Variants in GNAQ observed in about 807,000 individuals in gnomAD.
GNAQ encodes the protein guanine nucleotide-binding protein G(q) subunit alpha.
A neutral mutation model predicts 43.9 loss-of-function variants in GNAQ; 8 were observed. The ratio of observed to expected loss-of-function variants is 0.18; its 90% CI spans 0.11 to 0.33. The LOEUF (loss-of-function observed/expected upper bound fraction) is 0.33, where lower values mean the gene tolerates loss of function less well. Among genes scored for constraint, GNAQ ranks in the 10% least tolerant of loss-of-function variants. GNAQ has a pLI of 1.00. For missense variants in GNAQ, 158 were observed against 450.8 expected, an observed-to-expected ratio of 0.35 and a Z score of 5.88; for synonymous variants, 155 against 170.7, an observed-to-expected ratio of 0.91 and a Z score of 0.71.
intron 2 of GNAQ, among the ~76,000 whole-genome samples, chr9:77,906,311 C>T (rs909825685): frequency 2.0e-5 from 3 of 152,096 alleles, no homozygotes; most frequent in South Asian, 2.1e-4. Flanking sequence ...ATCACTTTCA[C>T]CAATTAGATT....
intron 1 of GNAQ, among the ~76,000 whole-genome samples, chr9:78,025,156 CAT>C (rs536209712): frequency 1.1e-3 from 171 of 152,246 alleles, no homozygotes; most frequent in African/African-American, 4.0e-3. Flanking sequence ...CCTTTTACTA[CAT>C]GTTAGATGAG....
At chr9:77,982,349 A>C (rs1823378138) in intron 1 of GNAQ, among the ~76,000 whole-genome samples, 1 of 152,244 alleles carries the variant, frequency 6.6e-6, no homozygotes, top group Non-Finnish European at 1.5e-5. Context: ...GAAGTAAAAC[A>C]AAAATTTTTT....
At chr9:77,997,714 C>G (rs1487239592) in intron 1 of GNAQ, among the ~76,000 whole-genome samples, 1 of 152,148 alleles carries the variant, frequency 6.6e-6, no homozygotes, top group African/African-American at 2.4e-5. Flanking sequence ...CTGGAATTGG[C>G]CTAGATCCTC....
chr9:78,029,220 G>T (rs1824018520), intron 1 of GNAQ, among the ~76,000 whole-genome samples: 1 of 151,732 alleles, frequency 6.6e-6, no homozygotes. Context: ...AGGCAAATAG[G>T]GTTGGCTGGA....
At chr9:77,883,645 C>T (rs959186263) in intron 2 of GNAQ, among the ~76,000 whole-genome samples, 2 of 151,772 alleles carry the variant, frequency 1.3e-5, no homozygotes, top group African/African-American at 4.8e-5. Flanking sequence ...TTGCCCCCGC[C>T]CCCACTCTCC....
chr9:77,939,865 T>G (rs931148264), intron 1 of GNAQ, among the ~76,000 whole-genome samples: 2 of 152,172 alleles, frequency 1.3e-5, no homozygotes, highest in African/African-American at 4.8e-5. Context: ...CAAGCCTGAT[T>G]TCTGCACCCT....
intron 2 of GNAQ, among the ~76,000 whole-genome samples, chr9:77,909,522 C>T (rs1376698344): frequency 6.6e-6 from 1 of 152,144 alleles, no homozygotes; most frequent in African/African-American, 2.4e-5. Context: ...TAGTTCAAAA[C>T]CGTTATACTT....
At chr9:77,880,594 C>A in intron 2 of GNAQ, among the ~76,000 whole-genome samples, 1 of 147,072 alleles carries the variant, frequency 6.8e-6, no homozygotes, top group African/African-American at 2.5e-5. Context: ...GAGACAGGGT[C>A]TCATTATGTT....
chr9:77,718,816 C>G lies in GNAQ; in HGVS notation c.*2507G>C, dbSNP rs146306046. On this transcript the variant is annotated 3_prime_UTR_variant, in exon 7 of 7. Coordinates refer to ENST00000286548, the MANE Select transcript of GNAQ (RefSeq NM_002072.5). ...TGGTCTCTAGCTGTTAAAACATTTC[C>G]TTAGTGGATCACAATAGCTTCTAAA... The G allele has an allele frequency of 0.024, 4,584 of 189,332 alleles. 179 individuals carry two copies. The highest frequency in any genetic ancestry group is 0.096 in the African/African-American group (3,814 of 39,904). The allele number at this position is 189,332 out of a possible 1,614,324, so 11.7% of individuals were successfully genotyped here.
intron 1 of GNAQ, among the ~76,000 whole-genome samples, chr9:77,989,736 C>G (rs1823485910): frequency 6.6e-6 from 1 of 152,204 alleles, no homozygotes; most frequent in African/African-American, 2.4e-5. Flanking sequence ...GCATTTTCTT[C>G]TTGCTGAAAC....
intron 5 of GNAQ, among the ~76,000 whole-genome samples, chr9:77,744,371 A>G (rs553267862): frequency 6.6e-6 from 1 of 152,310 alleles, no homozygotes; most frequent in Admixed American, 6.5e-5. Context: ...CCTTTTGGAT[A>G]ATTTACTCCC....
At chr9:77,792,320 A>G (rs1260781643) in intron 5 of GNAQ, among the ~76,000 whole-genome samples, 1 of 152,160 alleles carries the variant, frequency 6.6e-6, no homozygotes, top group Non-Finnish European at 1.5e-5. Flanking sequence ...AATTATTTAA[A>G]AGTAGCATAA....
chr9:77,805,290 C>A (rs542499476), intron 3 of GNAQ, among the ~76,000 whole-genome samples: 2 of 152,296 alleles, frequency 1.3e-5, no homozygotes, highest in South Asian at 4.1e-4. Context: ...CTAAAAAGCT[C>A]ATTTTGCAGA....
chr9:77,906,604 T>C (rs1164829000), intron 2 of GNAQ, among the ~76,000 whole-genome samples: 4 of 152,368 alleles, frequency 2.6e-5, no homozygotes, highest in East Asian at 3.9e-4. Context: ...TATAAGTCCA[T>C]ACTCTCTTAC....
chr9:78,002,187 T>A (rs1397200974), intron 1 of GNAQ, among the ~76,000 whole-genome samples: 2 of 152,152 alleles, frequency 1.3e-5, no homozygotes, highest in African/African-American at 4.8e-5. Context: ...GAAGACATAT[T>A]TCCTCCCCAT....
chr9:77,865,445 T>C (rs1460495618), intron 2 of GNAQ, among the ~76,000 whole-genome samples: 2 of 152,232 alleles, frequency 1.3e-5, no homozygotes, highest in Non-Finnish European at 2.9e-5. Context: ...AGGTTAGATA[T>C]CAGCCTTTGT....
chr9:77,837,616 AAC>A (rs547420111), intron 2 of GNAQ, among the ~76,000 whole-genome samples: 23 of 151,136 alleles, frequency 1.5e-4, no homozygotes, highest in Admixed American at 2.7e-4. Flanking sequence ...TTAAAAAAAC[AAC>A]AGTGTACCAT....
intron 5 of GNAQ, among the ~76,000 whole-genome samples, chr9:77,746,250 C>T (rs920952850): frequency 6.6e-6 from 1 of 151,996 alleles, no homozygotes; most frequent in African/African-American, 2.4e-5. Flanking sequence ...AGGATATGTC[C>T]TAGTAAAACA....
intron 2 of GNAQ, among the ~76,000 whole-genome samples, chr9:77,881,129 C>G (rs1292036718): frequency 6.6e-6 from 1 of 152,172 alleles, no homozygotes; most frequent in Non-Finnish European, 1.5e-5. Flanking sequence ...ACACTACTAT[C>G]TATTTTGTTC....
Sources: gnomAD v4.1 joint callset for allele counts (sites outside exome capture counted in the v4.1 genomes callset) on GRCh38, gnomAD v4.1.1 for gene constraint, MANE v1.5 for transcripts, NCBI Gene and HGNC (gene_info 2026-07-23, HGNC 2026-07-21) for gene names.